Variants in GLRA2 observed in about 807,000 individuals in gnomAD.
The protein encoded by GLRA2 is glycine receptor subunit alpha-2.
A neutral mutation model predicts 31.6 loss-of-function variants in GLRA2; 11 were observed. The observed-to-expected ratio is 0.35, with a 90% CI of 0.22 to 0.58. The LOEUF (loss-of-function observed/expected upper bound fraction) is 0.58, where lower values mean the gene tolerates loss of function less well. Ranked by LOEUF, GLRA2 falls within the 20% of genes least tolerant of loss-of-function variation. GLRA2 has a pLI of 0.84. For synonymous variants in GLRA2, 132 were observed against 134.0 expected (o/e 0.99, Z 0.10); for missense variants, 212 against 351.8 (o/e 0.60, Z 3.18).
chrX:14,702,778 C>T (rs776702524), intron 8 of GLRA2, among the ~76,000 whole-genome samples: 3 of 111,575 alleles, frequency 2.7e-5, no homozygotes, highest in Non-Finnish European at 5.6e-5. Flanking sequence ...GATATGACCA[C>T]GCAGGCAGTA....
intron 8 of GLRA2, among the ~76,000 whole-genome samples, chrX:14,705,124 G>C (rs1601864016): frequency 8.9e-6 from 1 of 112,127 alleles, no homozygotes; most frequent in Non-Finnish European, 1.9e-5. Context: ...AATTAAATAG[G>C]TAATGAAAAC....
chrX:14,510,636 T>C, the GLRA2 span, among the ~76,000 whole-genome samples: 1 of 111,547 alleles, frequency 9.0e-6, no homozygotes, highest in South Asian at 3.8e-4. Context: ...TGGAACTCCA[T>C]GGTGAAGGGA....
chrX:14,473,071 T>C, the GLRA2 span, among the ~76,000 whole-genome samples: 1 of 111,029 alleles, frequency 9.0e-6, no homozygotes, highest in Non-Finnish European at 1.9e-5. Context: ...AAAGGACCCA[T>C]GAAGAAATAA....
chrX:14,533,417 G>A (rs1377601664), intron 2 of GLRA2, among the ~76,000 whole-genome samples: 1 of 108,750 alleles, frequency 9.2e-6, no homozygotes, highest in East Asian at 2.9e-4. Context: ...ATATACCCAG[G>A]TATGGGCATA....
chrX:14,512,975 AAG>A, the GLRA2 span, among the ~76,000 whole-genome samples: 1 of 112,099 alleles, frequency 8.9e-6, no homozygotes, highest in Non-Finnish European at 1.9e-5. Flanking sequence ...ACTAAGCCAA[AAG>A]AGCAGATCTA....
chrX:14,674,944 C>T (rs1257628839), intron 7 of GLRA2, among the ~76,000 whole-genome samples: 3 of 111,693 alleles, frequency 2.7e-5, no homozygotes, highest in Non-Finnish European at 5.6e-5. Flanking sequence ...GCAATTTGTT[C>T]CGAATCCCCA....
chrX:14,685,014 T>C (rs1239343693), intron 7 of GLRA2, among the ~76,000 whole-genome samples: 1 of 111,589 alleles, frequency 9.0e-6, no homozygotes, highest in Non-Finnish European at 1.9e-5. Flanking sequence ...TATTGAGAGT[T>C]TTTAGCATGA....
the GLRA2 span, among the ~76,000 whole-genome samples, chrX:14,487,721 C>T: frequency 1.8e-5 from 2 of 111,778 alleles, no homozygotes; most frequent in Non-Finnish European, 3.8e-5. Context: ...CAAGGTAGGA[C>T]ATATAAGTGG....
intron 8 of GLRA2, among the ~76,000 whole-genome samples, chrX:14,703,097 A>G (rs1428314064): frequency 8.9e-6 from 1 of 112,041 alleles, no homozygotes; most frequent in Non-Finnish European, 1.9e-5. Context: ...GTCAGGGTCT[A>G]GATGGCTAAA....
the GLRA2 span, among the ~76,000 whole-genome samples, chrX:14,482,550 A>G: frequency 1.8e-5 from 2 of 111,380 alleles, no homozygotes; most frequent in Admixed American, 9.6e-5. Context: ...GGTCTTACAG[A>G]GATGGCTAAG....
At position 14,622,255 on chromosome X, in the gene GLRA2, T is replaced by G. The variant is rs190592992; in HGVS notation, c.930+13050T>G. Among the ~76,000 whole-genome samples the G allele has an allele frequency of 2.2e-3, 242 of 112,022 alleles. 2 individuals carry two copies. In the East Asian group the frequency reaches 0.056, roughly 26 times the overall value. ...TTGTTTAAGTTTTTTGTAGATTCTG[T>G]ATATTAGAACTTAGTCAGATGGGTA... On this transcript the variant is annotated intron_variant, in intron 7 of 8. Transcript: ENST00000218075.
chrX:14,675,094 A>G (rs17216015), intron 7 of GLRA2, among the ~76,000 whole-genome samples: 26,409 of 111,193 alleles, frequency 0.24, 2,797 homozygotes, highest in Non-Finnish European at 0.34. Flanking sequence ...CGTGGCAGAC[A>G]TAAGCACAGG....
the GLRA2 span, among the ~76,000 whole-genome samples, chrX:14,511,587 T>C: frequency 8.9e-6 from 1 of 112,092 alleles, no homozygotes; most frequent in Non-Finnish European, 1.9e-5. Flanking sequence ...TCTTGTTTTC[T>C]TCATTCACAT....
At chrX:14,696,217 T>C (rs746061001) in intron 8 of GLRA2, among the ~76,000 whole-genome samples, 1 of 18,126 alleles carries the variant, frequency 5.5e-5, no homozygotes, top group Non-Finnish European at 9.8e-5. Flanking sequence ...GGAGGGAGAG[T>C]GCGAGGGAGG....
the GLRA2 span, among the ~76,000 whole-genome samples, chrX:14,513,003 G>A: frequency 8.9e-6 from 1 of 111,764 alleles, no homozygotes; most frequent in African/African-American, 3.2e-5. Context: ...ATCACATTAT[G>A]TGACTTCAAA....
the GLRA2 span, among the ~76,000 whole-genome samples, chrX:14,492,319 TCTC>T: frequency 2.7e-5 from 3 of 110,905 alleles, no homozygotes; most frequent in South Asian, 1.2e-3. Context: ...TATCATCTAG[TCTC>T]CTCATGCTCA....
At chrX:14,537,356 T>G (rs2147004227) in intron 2 of GLRA2, among the ~76,000 whole-genome samples, 1 of 111,464 alleles carries the variant, frequency 9.0e-6, no homozygotes, top group South Asian at 3.8e-4. Context: ...GCATGCTTCT[T>G]GAATGCTCAT....
the GLRA2 span, among the ~76,000 whole-genome samples, chrX:14,464,583 G>C: frequency 2.7e-5 from 3 of 111,725 alleles, no homozygotes; most frequent in Non-Finnish European, 1.9e-5. Flanking sequence ...TCGAGACGAA[G>C]TCTCGCTCTG....
upstream of GLRA2, among the ~76,000 whole-genome samples, chrX:14,527,859 C>T (rs768120731): frequency 4.5e-5 from 5 of 111,513 alleles, no homozygotes; most frequent in South Asian, 1.9e-3. Context: ...TCTAGAGTTT[C>T]CATGTGGATG....
Sources: allele counts gnomAD v4.1 joint callset (sites outside exome capture counted in the v4.1 genomes callset), GRCh38; gene constraint gnomAD v4.1.1; transcripts MANE v1.5; gene names NCBI Gene and HGNC (gene_info 2026-07-23, HGNC 2026-07-21).